The following GALNT17 variants were observed in gnomAD, a reference collection of about 807,000 sequenced individuals.
GALNT17 encodes the protein polypeptide N-acetylgalactosaminyltransferase 17.
A neutral mutation model predicts 63.7 loss-of-function variants in GALNT17; 29 were observed. That is an observed-to-expected ratio of 0.46 (90% CI 0.34 to 0.62). The LOEUF (loss-of-function observed/expected upper bound fraction) is 0.62. Ranked by LOEUF, GALNT17 falls within the 20% of genes least tolerant of loss-of-function variation. The probability of loss-of-function intolerance (pLI) is 0.01; values close to 1 mark genes in which losing one functional copy is unlikely to be tolerated. For missense variants in GALNT17, 603 were observed against 799.6 expected, an observed-to-expected ratio of 0.75 and a Z score of 2.97; for synonymous variants, 305 against 318.3, an observed-to-expected ratio of 0.96 and a Z score of 0.45.
chr7:71,255,407 G>C lies in GALNT17; in HGVS notation c.239-80143G>C, dbSNP rs115631349. Among the ~76,000 whole-genome samples the C allele has an allele frequency of 3.2e-3, 490 of 152,334 alleles. 3 individuals carry two copies. The highest frequency in any genetic ancestry group is 0.011 in the African/African-American group (464 of 41,584). ...CCACCATGATTGTGAGGCTTTGCCA[G>C]CCATGTGGAACTGAGTCCATCAAAC... On this transcript the variant is annotated intron_variant, in intron 1 of 10. Transcript: ENST00000333538.
Position 71,217,140 on chromosome 7 carries a change from G to GTTTTTTTTTTTTTTTTTTTTTTTTTTT in GALNT17, c.238+84104_238+84105insTTTTTTTTTTTTTTTTTTTTTTTTTTT, listed in dbSNP as rs200574411. 3.2e-5 allele frequency among the ~76,000 whole-genome samples: 3 copies of GTTTTTTTTTTTTTTTTTTTTTTTTTTT among 95,216 alleles called. 1 individual carries two copies. Among genetic ancestry groups the GTTTTTTTTTTTTTTTTTTTTTTTTTTT allele is most frequent in the Non-Finnish European group, 2.1e-5 (1 of 47,632 alleles). 62.5% of individuals were successfully genotyped at this position (95,216 alleles called of 152,430 possible). A position where few individuals can be genotyped will look rare whatever the true frequency, so the allele number is the denominator to read the frequency against. ...CACCATGCACAGCTAATTTTTTCGT[G>GTTTTTTTTTTTTTTTTTTTTTTTTTTT]TTTTGTTTTTTTTTTTTTTTTTTTT... is the stretch of plus-strand genomic sequence containing the variant. On this transcript the variant is annotated intron_variant, in intron 1 of 10. Transcript: ENST00000333538.
chr7:71,570,429 T>C (rs1789420573), intron 5 of GALNT17, among the ~76,000 whole-genome samples: 1 of 152,128 alleles, frequency 6.6e-6, no homozygotes, highest in Admixed American at 6.5e-5. Context: ...TTGCTTGCAA[T>C]CTTCCTCTCT....
rs1357098775 is a variant in GALNT17, at chr7:71,640,363, A to AGGGG, written c.1081-25047_1081-25044dup. On this transcript the variant is annotated intron_variant, in intron 6 of 10. Transcript: ENST00000333538. ...TGATGGCTGGCCATAGCTCCACACC[A>AGGGG]GGGGCTCTTGGCTTGGAATCCACTC... 2.6e-5 allele frequency among the ~76,000 whole-genome samples: 4 copies of AGGGG among 152,200 alleles called. No individual in the cohort carries two copies. The East Asian group carries it at 7.7e-4, about 29-fold the overall frequency.
chr7:71,512,117 CTCAGCCTCCCAAGTAGCAGGG>C (rs1460589939), intron 5 of GALNT17, among the ~76,000 whole-genome samples: 3 of 151,882 alleles, frequency 2.0e-5, no homozygotes, highest in Non-Finnish European at 4.4e-5. Context: ...ATTCTCCCGC[CTCAGCCTCCCAAGTAGCAGGG>C]ACTACAGGTG....
At position 71,376,218 on chromosome 7, in the gene GALNT17, G is replaced by T. The variant is rs142805276; in HGVS notation, c.423-12017G>T. ...TTTTCATCCCTCTTGCAGCAGTCAG[G>T]GTTGTCCCCTCGTTTGACATGTACC... On this transcript the variant is annotated intron_variant, in intron 2 of 10. Coordinates refer to ENST00000333538, the MANE Select transcript of GALNT17 (RefSeq NM_022479.3). 1.5e-3 allele frequency among the ~76,000 whole-genome samples: 233 copies of T among 152,154 alleles called. 1 individual carries two copies. Among genetic ancestry groups the T allele is most frequent in the African/African-American group, 5.4e-3 (226 of 41,524 alleles).
At chr7:71,569,015 A>G (rs1029510971) in intron 5 of GALNT17, among the ~76,000 whole-genome samples, 6 of 152,198 alleles carry the variant, frequency 3.9e-5, no homozygotes, top group Admixed American at 3.9e-4. Flanking sequence ...TCTGTTGCCC[A>G]GGCTGGAGTG....
chr7:71,447,388 C>G (rs1301377048), intron 5 of GALNT17, among the ~76,000 whole-genome samples: 1 of 152,124 alleles, frequency 6.6e-6, no homozygotes, highest in East Asian at 1.9e-4. Context: ...GCCCCAAAAT[C>G]CAACTTTTTG....
intron 5 of GALNT17, among the ~76,000 whole-genome samples, chr7:71,515,175 C>T (rs966756041): frequency 6.6e-6 from 1 of 152,090 alleles, no homozygotes. Context: ...AGTGTTAGAA[C>T]AGACTAATAC....
chr7:71,286,921 G>A (rs1344594701), intron 1 of GALNT17, among the ~76,000 whole-genome samples: 1 of 151,800 alleles, frequency 6.6e-6, no homozygotes, highest in Non-Finnish European at 1.5e-5. Flanking sequence ...CTACTGAGTA[G>A]CTGGGACTAC....
At chr7:71,555,956 C>T (rs1186911829) in intron 5 of GALNT17, among the ~76,000 whole-genome samples, 1 of 152,216 alleles carries the variant, frequency 6.6e-6, no homozygotes, top group African/African-American at 2.4e-5. Flanking sequence ...ATAGTCACAA[C>T]AGAAAATTAA....
At chr7:71,319,001 A>G (rs1791551476) in intron 1 of GALNT17, among the ~76,000 whole-genome samples, 1 of 152,158 alleles carries the variant, frequency 6.6e-6, no homozygotes, top group Non-Finnish European at 1.5e-5. Context: ...AGGGCTGACC[A>G]GGGTGAAGTA....
At chr7:71,527,472 A>C (rs1788643308) in intron 5 of GALNT17, among the ~76,000 whole-genome samples, 1 of 152,204 alleles carries the variant, frequency 6.6e-6, no homozygotes. Flanking sequence ...CTTCAACTGC[A>C]TGAAGACCTA....
At chr7:71,616,716 TA>T (rs1790209859) in intron 6 of GALNT17, among the ~76,000 whole-genome samples, 1 of 129,828 alleles carries the variant, frequency 7.7e-6, no homozygotes, top group African/African-American at 2.8e-5. Context: ...TTGATGTATA[TA>T]ATATATAATT....
At chr7:71,711,874 C>A in intron 10 of GALNT17, 144 bp from the exon 11 acceptor site, 1 of 866,460 alleles carries the variant, frequency 1.2e-6, no homozygotes, top group Non-Finnish European at 1.7e-6. Context: ...TTGCCTCTTT[C>A]TCTGTCTCTC....
intron 1 of GALNT17, among the ~76,000 whole-genome samples, chr7:71,321,922 C>CCTTCCTTCCTTCCCCTCCCT (rs1563001220): frequency 1.4e-4 from 4 of 28,436 alleles, no homozygotes; most frequent in Admixed American, 4.8e-4. Flanking sequence ...TTCCTTCCTT[C>CCTTCCTTCCTTCCCCTCCCT]CCCTCCCTCC....
intron 6 of GALNT17, among the ~76,000 whole-genome samples, chr7:71,573,754 A>G (rs1243437132): frequency 6.6e-6 from 1 of 152,152 alleles, no homozygotes; most frequent in East Asian, 1.9e-4. Flanking sequence ...CAATGAGCAC[A>G]GATTGGTGCA....
intron 1 of GALNT17, among the ~76,000 whole-genome samples, chr7:71,236,387 A>G (rs1010649180): frequency 1.3e-5 from 2 of 152,092 alleles, no homozygotes; most frequent in Non-Finnish European, 2.9e-5. Context: ...TGTCAAGGCC[A>G]CTGGCTGTAG....
chr7:71,580,937 A>G (rs1789627258), intron 6 of GALNT17, among the ~76,000 whole-genome samples: 1 of 152,150 alleles, frequency 6.6e-6, no homozygotes, highest in African/African-American at 2.4e-5. Flanking sequence ...TGTGATAGAC[A>G]GAGAGTGGTT....
intron 5 of GALNT17, among the ~76,000 whole-genome samples, chr7:71,478,418 A>G (rs959822221): frequency 2.6e-5 from 4 of 151,902 alleles, no homozygotes; most frequent in East Asian, 3.9e-4. Context: ...GGCTCAAGCA[A>G]TCCTCCCCCC....
Sources: gnomAD v4.1 joint callset for allele counts (sites outside exome capture counted in the v4.1 genomes callset) on GRCh38, gnomAD v4.1.1 for gene constraint, MANE v1.5 for transcripts, NCBI Gene and HGNC (gene_info 2026-07-23, HGNC 2026-07-21) for gene names.